The following CDC45 variants were observed in gnomAD, a reference collection of about 807,000 sequenced individuals.
The protein encoded by CDC45 is cell division control protein 45 homolog.
A neutral mutation model predicts 77.8 loss-of-function variants in CDC45; 54 were observed. The ratio of observed to expected loss-of-function variants is 0.69; its 90% CI spans 0.56 to 0.87. The LOEUF is 0.87. CDC45 is among the 40% of genes least tolerant of loss of function. The pLI, the probability that CDC45 is intolerant of heterozygous loss-of-function variation, is 0.00. For missense variants in CDC45, 649 were observed against 721.6 expected (o/e 0.90, Z 1.15); for synonymous variants, 260 against 272.1 (o/e 0.96, Z 0.44).
At chr22:19,519,561 G>C (rs1933996477) in intron 18 of CDC45, among the ~76,000 whole-genome samples, 1 of 152,240 alleles carries the variant, frequency 6.6e-6, no homozygotes, top group South Asian at 2.1e-4. Flanking sequence ...GTTCCCCACA[G>C]GGAATGCCAC....
chr22:19,511,520 A>T (rs1382461579), intron 13 of CDC45, among the ~76,000 whole-genome samples: 3 of 151,900 alleles, frequency 2.0e-5, no homozygotes, highest in African/African-American at 7.3e-5. Context: ...AGTAGAGATG[A>T]GATCTTACCA....
intron 9 of CDC45, among the ~76,000 whole-genome samples, chr22:19,501,178 T>G (rs1338956211): frequency 6.6e-6 from 1 of 151,412 alleles, no homozygotes; most frequent in Non-Finnish European, 1.5e-5. Flanking sequence ...AGACTCCGTC[T>G]CAAAAAAAAA....
At chr22:19,480,272 C>A in intron 2 of CDC45, 55 bp downstream of exon 2, 1 of 1,518,888 alleles carries the variant, frequency 6.6e-7, no homozygotes, top group Non-Finnish European at 9.1e-7. Context: ...GAGGGTGCTG[C>A]GTGGGGGCGC....
At chr22:19,507,341 AG>A (rs1474581883) in intron 10 of CDC45, 44 bp from the exon 11 acceptor site, 1 of 1,602,318 alleles carries the variant, frequency 6.2e-7, no homozygotes, top group African/African-American at 1.3e-5. Flanking sequence ...GAGAGTGCTC[AG>A]GGCGGCCAGT....
chr22:19,508,724 G>A (rs767900061), intron 13 of CDC45, 33 bp downstream of exon 13: 7 of 1,605,564 alleles, frequency 4.4e-6, no homozygotes, highest in Non-Finnish European at 6.0e-6. Flanking sequence ...GCCTCATGGG[G>A]CCACCACTGG....
chr22:19,480,390 C>G (rs932303885), intron 2 of CDC45, among the ~76,000 whole-genome samples, 173 bp downstream of exon 2: 1 of 152,100 alleles, frequency 6.6e-6, no homozygotes, highest in Non-Finnish European at 1.5e-5. Flanking sequence ...GAGAGGTTGC[C>G]TCCCTGTCCC....
chr22:19,516,441 G>A, intron 15 of CDC45, 86 bp from the exon 16 acceptor site: 1 of 1,114,902 alleles, frequency 9.0e-7, no homozygotes, highest in Non-Finnish European at 1.4e-6. Context: ...GGGGAGTGGA[G>A]TGACTGGGCG....
chr22:19,480,565 T>C (rs535773439), intron 2 of CDC45, among the ~76,000 whole-genome samples: 1 of 152,294 alleles, frequency 6.6e-6, no homozygotes, highest in Admixed American at 6.5e-5. Flanking sequence ...GAGGAATCTG[T>C]GACAACTGTG....
intron 9 of CDC45, among the ~76,000 whole-genome samples, chr22:19,504,251 C>T (rs1933027651): frequency 6.6e-6 from 1 of 152,174 alleles, no homozygotes; most frequent in Non-Finnish European, 1.5e-5. Flanking sequence ...GGAGGAGATC[C>T]TCAAATCCAT....
chr22:19,507,780 A>G lies in CDC45; in HGVS notation c.971A>G (p.Gln324Arg). 1 of 1,598,202 alleles carries G rather than the reference A, an allele frequency of 6.3e-7. No individual in the cohort carries two copies. The highest frequency in any genetic ancestry group is 1.1e-5 in the South Asian group (1 of 88,008). Residue 324 changes from glutamine to arginine, a missense_variant, in exon 12 of 19, where the codon CAG becomes CGG. Physicochemically the swap from Gln to Arg is conservative, Grantham distance 43 (BLOSUM62 1). Transcript: ENST00000263201. ...FLADMGLPLK[Q>R]VKQKFQAMDI... ...GCTCTTTCCAGTCTTCCCCTGAAGC[A>G]GGTGAAGCAGAAGTTCCAGGCCATG...
Position 19,496,029 on chromosome 22 carries a change from G to C in CDC45, c.591G>C (p.Ser197=). The change falls in exon 7 of 19, where the codon TCG becomes TCC. Residue 197 remains serine (S), a splice_region_variant and synonymous_variant. Coordinates refer to ENST00000263201, the MANE Select transcript of CDC45 (RefSeq NM_003504.5). The part of the protein sequence containing the change: ...DYEQYEYHGT[S]SAMVMFELAW... ...AGCAGTATGAATATCATGGGACATC[G>C]GTAAGTATGAATAGGTGGAACTCAC... 2 of 1,599,574 alleles carry C rather than the reference G, an allele frequency of 1.3e-6. No homozygotes were observed. Among genetic ancestry groups the C allele is most frequent in the Non-Finnish European group, 1.7e-6 (2 of 1,167,002 alleles).
At position 19,499,087 on chromosome 22, in the gene CDC45, T is replaced by C; in HGVS notation, c.654-14T>C. The C allele has an allele frequency of 6.2e-7, 1 of 1,614,064 alleles. No homozygotes were observed. The highest frequency in any genetic ancestry group is 8.5e-7 in the Non-Finnish European group (1 of 1,179,930). ...TGGGCTATAGGCCGGCTCCACTGCC[T>C]TCTCTTCTTCCAGGTGGGCCATCGT... On this transcript the variant is annotated splice_polypyrimidine_tract_variant and intron_variant, in intron 8 of 18. Coordinates refer to ENST00000263201, the MANE Select transcript of CDC45 (RefSeq NM_003504.5).
intron 9 of CDC45, among the ~76,000 whole-genome samples, chr22:19,500,649 C>T (rs1263338015): frequency 1.3e-5 from 2 of 152,162 alleles, no homozygotes; most frequent in East Asian, 3.9e-4. Context: ...TTTGTACACC[C>T]TGATGATTAC....
rs761866657 is a variant in CDC45, at chr22:19,497,459, C to G, written c.653+12C>G. On this transcript the variant is annotated intron_variant, in intron 8 of 18. Transcript: ENST00000263201. ...AATGACATGCTGTGGTACGTAGCCC[C>G]TGCGGCAGCTGTGTGGGAGTATTTG... The G allele has an allele frequency of 6.2e-7, 1 of 1,612,302 alleles. No homozygotes were observed. Among genetic ancestry groups the G allele is most frequent in the East Asian group, 2.2e-5 (1 of 44,866 alleles).
chr22:19,510,549 G>A (rs1933455769), intron 13 of CDC45, among the ~76,000 whole-genome samples: 1 of 152,134 alleles, frequency 6.6e-6, no homozygotes, highest in African/African-American at 2.4e-5. Context: ...TCCGCCACCT[G>A]AGACAGAGTC....
chr22:19,494,234 A>T, intron 5 of CDC45, 93 bp from the exon 6 acceptor site: 1 of 1,093,788 alleles, frequency 9.1e-7, no homozygotes, highest in Non-Finnish European at 1.4e-6. Flanking sequence ...GTCTGGGCCT[A>T]CTGACTTCTG....
At chr22:19,513,746 A>T in intron 13 of CDC45, among the ~76,000 whole-genome samples, 1 of 152,208 alleles carries the variant, frequency 6.6e-6, no homozygotes, top group Non-Finnish European at 1.5e-5. Flanking sequence ...AAACTTTCTG[A>T]GTTCTTATAT....
chr22:19,507,311 G>A lies in CDC45; in HGVS notation c.825-75G>A, dbSNP rs989388003. The A allele has an allele frequency of 3.8e-6, 6 of 1,561,240 alleles. No homozygotes were observed. In the East Asian group the frequency reaches 1.4e-4, roughly 35 times the overall value. ...TGAGAAAGGGCCCCGCCATCAGAGT[G>A]GCCCACCTGCTGGAGTTACGAGAGT... is the stretch of plus-strand genomic sequence containing the variant. On this transcript the variant is annotated intron_variant, in intron 10 of 18. Transcript: ENST00000263201.
intron 13 of CDC45, among the ~76,000 whole-genome samples, chr22:19,514,076 T>C (rs900522653): frequency 6.6e-5 from 10 of 152,240 alleles, no homozygotes; most frequent in African/African-American, 9.6e-5. Context: ...AGATACTAAT[T>C]AGAGTTCAGT....
Sources: allele counts gnomAD v4.1 joint callset (sites outside exome capture counted in the v4.1 genomes callset), GRCh38; gene constraint gnomAD v4.1.1; transcripts MANE v1.5; gene names NCBI Gene and HGNC (gene_info 2026-07-23, HGNC 2026-07-21).